The following PPARGC1A variants were observed in gnomAD, a reference collection of about 807,000 sequenced individuals.
PPARGC1A encodes the protein PPARG coactivator 1 alpha.
In PPARGC1A, 25 loss-of-function variants were observed where a neutral mutation model predicts 88.7. The observed-to-expected ratio is 0.28, with a 90% CI of 0.21 to 0.39. PPARGC1A has a LOEUF of 0.39. PPARGC1A is among the 10% of genes least tolerant of loss of function. The pLI, the probability that PPARGC1A is intolerant of heterozygous loss-of-function variation, is 1.00. For missense variants in PPARGC1A, 880 were observed against 968.7 expected, an observed-to-expected ratio of 0.91 and a Z score of 1.22; for synonymous variants, 363 against 355.6, an observed-to-expected ratio of 1.02 and a Z score of -0.24.
At chr4:23,953,895 A>C in the PPARGC1A span, among the ~76,000 whole-genome samples, 51,389 of 151,856 alleles carry the variant, frequency 0.34, 9,213 homozygotes, top group East Asian at 0.43. Flanking sequence ...AAAATGCTTC[A>C]AGTTAGAACA....
the PPARGC1A span, among the ~76,000 whole-genome samples, chr4:24,344,249 C>T: frequency 3.3e-5 from 5 of 152,184 alleles, no homozygotes; most frequent in African/African-American, 1.2e-4. Context: ...ACTTCTTTTC[C>T]TCTGGGTAGA....
the PPARGC1A span, chr4:24,258,178 C>T: frequency 2.1e-6 from 2 of 957,982 alleles, no homozygotes; most frequent in African/African-American, 1.8e-5. Flanking sequence ...CAGAAAATAA[C>T]ATGACAATAA....
upstream of PPARGC1A, among the ~76,000 whole-genome samples, chr4:23,904,323 C>T (rs548758987): frequency 3.3e-5 from 5 of 152,228 alleles, no homozygotes; most frequent in Admixed American, 6.5e-5. Flanking sequence ...CTTTCCAACC[C>T]GTGGAAAATA....
At chr4:24,155,122 GTTTTT>G in the PPARGC1A span, among the ~76,000 whole-genome samples, 2 of 140,956 alleles carry the variant, frequency 1.4e-5, no homozygotes, top group Admixed American at 7.0e-5. Flanking sequence ...CCTCGGTTTT[GTTTTT>G]TTTTTTTTAT....
chr4:24,324,769 G>A, the PPARGC1A span, among the ~76,000 whole-genome samples: 1 of 152,076 alleles, frequency 6.6e-6, no homozygotes, highest in Non-Finnish European at 1.5e-5. Flanking sequence ...CCTAGTCTCT[G>A]TGCCCAGTGA....
intron 1 of PPARGC1A, among the ~76,000 whole-genome samples, chr4:23,896,864 T>A (rs1718663669): frequency 6.6e-6 from 1 of 152,136 alleles, no homozygotes; most frequent in South Asian, 2.1e-4. Context: ...AAAGAGTGTT[T>A]GGAGACATGG....
the PPARGC1A span, among the ~76,000 whole-genome samples, chr4:23,915,841 T>C: frequency 6.6e-6 from 1 of 152,200 alleles, no homozygotes; most frequent in African/African-American, 2.4e-5. Context: ...CATGCAAATG[T>C]GTAGTGACAA....
the PPARGC1A span, among the ~76,000 whole-genome samples, chr4:24,471,994 G>A: frequency 1.3e-5 from 2 of 152,194 alleles, no homozygotes; most frequent in Non-Finnish European, 2.9e-5. The surrounding 1 kb of genome is among the most constrained non-coding windows in gnomAD (Gnocchi z 5.4). Context: ...GTAGGCGCCG[G>A]GCGCACAGGG....
the PPARGC1A span, among the ~76,000 whole-genome samples, chr4:24,264,803 C>A: frequency 5.9e-5 from 9 of 152,184 alleles, no homozygotes; most frequent in Non-Finnish European, 1.3e-4. Context: ...ACAAGAACTG[C>A]TTTTGCCTAT....
At chr4:24,241,441 C>T in the PPARGC1A span, among the ~76,000 whole-genome samples, 2 of 152,308 alleles carry the variant, frequency 1.3e-5, no homozygotes, top group South Asian at 4.1e-4. Context: ...AGCAAATATT[C>T]ATCTGAAAAA....
chr4:23,938,884 C>T, the PPARGC1A span, among the ~76,000 whole-genome samples: 1 of 151,964 alleles, frequency 6.6e-6, no homozygotes, highest in African/African-American at 2.4e-5. Context: ...TGCTGCCCAA[C>T]AAAGGTTGGT....
chr4:24,111,731 G>A, the PPARGC1A span, among the ~76,000 whole-genome samples: 3 of 152,070 alleles, frequency 2.0e-5, no homozygotes, highest in Non-Finnish European at 4.4e-5. Context: ...TTAGGAGGTG[G>A]GTTAACTCTT....
intron 2 of PPARGC1A, among the ~76,000 whole-genome samples, chr4:23,844,399 T>C (rs1309048625): frequency 7.7e-6 from 1 of 130,666 alleles, no homozygotes; most frequent in African/African-American, 2.9e-5. Context: ...ATCTATATTA[T>C]TTATCATATA....
chr4:24,318,775 C>A, the PPARGC1A span, among the ~76,000 whole-genome samples: 2 of 152,100 alleles, frequency 1.3e-5, no homozygotes, highest in Non-Finnish European at 2.9e-5. Flanking sequence ...AATTTGGGGG[C>A]CCCTGAATGC....
At chr4:24,209,238 G>A in the PPARGC1A span, among the ~76,000 whole-genome samples, 1 of 152,124 alleles carries the variant, frequency 6.6e-6, no homozygotes, top group African/African-American at 2.4e-5. Flanking sequence ...GGGTCCTCCG[G>A]AAGAATCTAA....
At chr4:24,180,160 C>A in the PPARGC1A span, among the ~76,000 whole-genome samples, 1 of 152,128 alleles carries the variant, frequency 6.6e-6, no homozygotes, top group Non-Finnish European at 1.5e-5. Flanking sequence ...ACATGTATAA[C>A]ATTACATTTT....
the PPARGC1A span, among the ~76,000 whole-genome samples, chr4:24,235,531 T>C: frequency 6.6e-6 from 1 of 152,058 alleles, no homozygotes; most frequent in Non-Finnish European, 1.5e-5. Context: ...GATGTTTCTA[T>C]TTCTGACCTA....
intron 2 of PPARGC1A, among the ~76,000 whole-genome samples, chr4:23,851,185 T>C (rs1387983214): frequency 6.6e-6 from 1 of 152,164 alleles, no homozygotes; most frequent in Non-Finnish European, 1.5e-5. Flanking sequence ...ATAATTCTCA[T>C]TTTGCAATAC....
At chr4:24,430,251 A>ATTTT in the PPARGC1A span, among the ~76,000 whole-genome samples, 83 of 131,720 alleles carry the variant, frequency 6.3e-4, 3 homozygotes, top group East Asian at 3.9e-3. Flanking sequence ...GATATTTTGT[A>ATTTT]TTTCTTTTTT....
Sources: gnomAD v4.1 joint callset for allele counts (sites outside exome capture counted in the v4.1 genomes callset) on GRCh38, gnomAD v4.1.1 for gene constraint, Gnocchi (gnomAD v3.1) non-coding constraint, MANE v1.5 for transcripts, NCBI Gene and HGNC (gene_info 2026-07-23, HGNC 2026-07-21) for gene names.